NRXN3: variants seen among roughly 807,000 people sequenced by gnomAD.
The protein encoded by NRXN3 is neurexin 3, also known as neurexin III.
Under a neutral mutation model 137.6 loss-of-function variants are expected in NRXN3, and 32 were observed. The ratio of observed to expected loss-of-function variants is 0.23; its 90% CI spans 0.18 to 0.31. NRXN3 has a LOEUF of 0.31. Among genes scored for constraint, NRXN3 ranks in the 10% least tolerant of loss-of-function variants. The pLI is 1.00. For synonymous variants in NRXN3, 798 were observed against 784.5 expected, an observed-to-expected ratio of 1.02 and a Z score of -0.29; for missense variants, 1,574 against 2,062.5, an observed-to-expected ratio of 0.76 and a Z score of 4.59.
intron 20 of NRXN3, among the ~76,000 whole-genome samples, chr14:79,825,939 T>C (rs947719007): frequency 5.3e-5 from 8 of 152,156 alleles, no homozygotes; most frequent in Non-Finnish European, 8.8e-5. Flanking sequence ...TGTGCATAAA[T>C]ATTAGCTTGA....
At chr14:79,038,558 A>G (rs192617237) in intron 15 of NRXN3, among the ~76,000 whole-genome samples, 5 of 152,176 alleles carry the variant, frequency 3.3e-5, no homozygotes, top group African/African-American at 1.2e-4. Context: ...ATTGCTTCCA[A>G]ATTTCTGAGT....
chr14:79,395,438 A>G (rs2094986857), intron 15 of NRXN3, among the ~76,000 whole-genome samples: 1 of 152,164 alleles, frequency 6.6e-6, no homozygotes, highest in African/African-American at 2.4e-5. Flanking sequence ...TGAGTTTGAT[A>G]TACTGTCAAA....
intron 15 of NRXN3, among the ~76,000 whole-genome samples, chr14:79,263,512 G>A (rs556694119): frequency 2.0e-5 from 3 of 152,212 alleles, no homozygotes; most frequent in Non-Finnish European, 2.9e-5. Context: ...CAAATCAGGA[G>A]GTGGGAGATC....
intron 10 of NRXN3, among the ~76,000 whole-genome samples, chr14:78,929,897 A>T (rs750093804): frequency 1.3e-5 from 2 of 152,228 alleles, no homozygotes; most frequent in Non-Finnish European, 2.9e-5. Context: ...GGAAGGTATG[A>T]TGATAAAAGC....
chr14:78,597,033 GA>G lies in NRXN3; in HGVS notation c.758-48086del. On this transcript the variant is annotated intron_variant, in intron 4 of 20. Transcript: ENST00000335750. ...TCCCAGGATCCCTGATCAACAGAGA[GA>G]GAGTATCCTGGGGGTTTCCTCTTTA... Among the ~76,000 whole-genome samples the G allele has an allele frequency of 2.0e-5, 3 of 152,334 alleles. No homozygotes were observed. In the East Asian group the frequency reaches 5.8e-4, roughly 29 times the overall value.
At chr14:78,281,554 G>A (rs542824382) in intron 3 of NRXN3, among the ~76,000 whole-genome samples, 6 of 152,160 alleles carry the variant, frequency 3.9e-5, no homozygotes, top group Non-Finnish European at 5.9e-5. Flanking sequence ...CAGGAAAAAG[G>A]GGCAGGCACA....
At chr14:78,387,072 C>T (rs2090079412) in intron 4 of NRXN3, among the ~76,000 whole-genome samples, 3 of 152,122 alleles carry the variant, frequency 2.0e-5, no homozygotes, top group Admixed American at 2.0e-4. Flanking sequence ...TGAGCCACCG[C>T]ACCCGGCCTA....
intron 19 of NRXN3, among the ~76,000 whole-genome samples, chr14:79,773,830 C>CA (rs548801820): frequency 0.012 from 1,472 of 126,740 alleles, 21 homozygotes; most frequent in African/African-American, 0.033. Flanking sequence ...AATAAAAATA[C>CA]AAAAAAAAAA....
chr14:79,147,252 C>T (rs557692993), intron 15 of NRXN3, among the ~76,000 whole-genome samples: 6 of 152,316 alleles, frequency 3.9e-5, no homozygotes, highest in African/African-American at 1.4e-4. Flanking sequence ...TTATGCTCCT[C>T]TCTGTTGTAA....
intron 4 of NRXN3, among the ~76,000 whole-genome samples, chr14:78,502,457 C>T (rs967563147): frequency 9.9e-5 from 15 of 152,166 alleles, no homozygotes; most frequent in African/African-American, 2.9e-4. Flanking sequence ...CACTAGGTCT[C>T]GAGCTGCAGG....
intron 15 of NRXN3, among the ~76,000 whole-genome samples, chr14:79,132,372 A>G (rs938125399): frequency 6.6e-6 from 1 of 152,268 alleles, no homozygotes; most frequent in African/African-American, 2.4e-5. Context: ...GATGTGCTGT[A>G]AGTATAAAAT....
At chr14:78,205,718 G>A (rs1233327374) in intron 1 of NRXN3, among the ~76,000 whole-genome samples, 2 of 152,220 alleles carry the variant, frequency 1.3e-5, no homozygotes, top group African/African-American at 4.8e-5. Flanking sequence ...GCAGACAGCT[G>A]GGAAAGGGCC....
At chr14:79,133,793 G>T (rs1169129096) in intron 15 of NRXN3, among the ~76,000 whole-genome samples, 2 of 151,964 alleles carry the variant, frequency 1.3e-5, no homozygotes, top group South Asian at 2.1e-4. Context: ...GGTGGGCGTG[G>T]TGGTGGGCGC....
chr14:78,567,914 T>C (rs2096851402), intron 4 of NRXN3, among the ~76,000 whole-genome samples: 1 of 152,170 alleles, frequency 6.6e-6, no homozygotes, highest in South Asian at 2.1e-4. Flanking sequence ...TTTTCCACTT[T>C]CATCGTGTTT....
intron 1 of NRXN3, among the ~76,000 whole-genome samples, chr14:78,228,023 C>G (rs1205447346): frequency 6.6e-6 from 1 of 152,134 alleles, no homozygotes; most frequent in African/African-American, 2.4e-5. Context: ...AGCTTAGTGT[C>G]CAGGGCTGGG....
intron 15 of NRXN3, among the ~76,000 whole-genome samples, chr14:79,217,267 G>A (rs2068698525): frequency 6.6e-6 from 1 of 152,168 alleles, no homozygotes; most frequent in Non-Finnish European, 1.5e-5. Context: ...TACTCATGGT[G>A]GAAGGCGAAG....
At chr14:78,976,544 G>A (rs188182352) in intron 14 of NRXN3, among the ~76,000 whole-genome samples, 1 of 152,254 alleles carries the variant, frequency 6.6e-6, no homozygotes, top group Non-Finnish European at 1.5e-5. Context: ...TCTTTACTAT[G>A]ATGAATATTG....
chr14:78,798,335 G>A (rs955542678), intron 8 of NRXN3, among the ~76,000 whole-genome samples: 13 of 152,098 alleles, frequency 8.5e-5, no homozygotes, highest in Admixed American at 2.0e-4. Context: ...CCAGTAAGTC[G>A]GTCATTAAAC....
intron 16 of NRXN3, among the ~76,000 whole-genome samples, chr14:79,469,502 T>A (rs2096471478): frequency 6.6e-6 from 1 of 152,208 alleles, no homozygotes; most frequent in African/African-American, 2.4e-5. Context: ...GTATTCTGTA[T>A]AAGCATACCC....
Sources: gnomAD v4.1 joint callset for allele counts (sites outside exome capture counted in the v4.1 genomes callset) on GRCh38, gnomAD v4.1.1 for gene constraint, MANE v1.5 for transcripts, NCBI Gene and HGNC (gene_info 2026-07-23, HGNC 2026-07-21) for gene names.